Variants in LYPLA1 observed in about 807,000 individuals in gnomAD.
LYPLA1 encodes lysophospholipase 1.
In LYPLA1, 17 loss-of-function variants were observed where a neutral mutation model predicts 34.0. The observed-to-expected ratio is 0.50, with a 90% confidence interval of 0.34 to 0.75. The LOEUF (loss-of-function observed/expected upper bound fraction) is 0.75. LYPLA1 is among the 30% of genes least tolerant of loss of function. LYPLA1 has a pLI of 0.01. For missense variants in LYPLA1, 203 were observed against 288.8 expected, an observed-to-expected ratio of 0.70 and a Z score of 2.15; for synonymous variants, 98 against 100.8, an observed-to-expected ratio of 0.97 and a Z score of 0.17.
At chr8:54,073,777 A>C (rs1426384844) in intron 2 of LYPLA1, among the ~76,000 whole-genome samples, 1 of 152,066 alleles carries the variant, frequency 6.6e-6, no homozygotes, top group African/African-American at 2.4e-5. Flanking sequence ...CCAAAAAACT[A>C]CTTCTTTTTT....
At chr8:54,084,958 A>C (rs973440337) in intron 2 of LYPLA1, among the ~76,000 whole-genome samples, 2 of 151,780 alleles carry the variant, frequency 1.3e-5, no homozygotes, top group African/African-American at 4.9e-5. Flanking sequence ...CCAATGTTTA[A>C]AGAATCCTCC....
chr8:54,101,730 C>T (rs772173134), intron 1 of LYPLA1, 25 bp downstream of exon 1: 1 of 1,292,078 alleles, frequency 7.7e-7, no homozygotes, highest in Non-Finnish European at 9.9e-7. Context: ...GTGGACCCCT[C>T]CGAGCCCACG....
At chr8:54,090,039 T>A (rs963582091) in intron 2 of LYPLA1, among the ~76,000 whole-genome samples, 1 of 152,246 alleles carries the variant, frequency 6.6e-6, no homozygotes, top group Non-Finnish European at 1.5e-5. Context: ...AAAGAGCCTA[T>A]GAATGGATGT....
chr8:54,084,124 G>GAAAAAAAA (rs201545035), intron 2 of LYPLA1, among the ~76,000 whole-genome samples: 8 of 56,380 alleles, frequency 1.4e-4, no homozygotes, highest in African/African-American at 7.2e-4. Context: ...GGAGACCAAA[G>GAAAAAAAA]AAAAAAAAAA....
chr8:54,093,176 G>A (rs1423298474), intron 2 of LYPLA1, among the ~76,000 whole-genome samples: 1 of 152,230 alleles, frequency 6.6e-6, no homozygotes, highest in Non-Finnish European at 1.5e-5. Context: ...TCTACAGAAA[G>A]AAGCAAGTGA....
intron 6 of LYPLA1, among the ~76,000 whole-genome samples, chr8:54,054,203 G>A (rs183250561): frequency 3.1e-4 from 47 of 152,084 alleles, no homozygotes; most frequent in Admixed American, 2.8e-3. Flanking sequence ...GGCTGGTCTC[G>A]AACTCCTGAC....
chr8:54,085,748 G>A (rs563210643), intron 2 of LYPLA1, among the ~76,000 whole-genome samples: 2,784 of 143,002 alleles, frequency 0.019, 46 homozygotes, highest in Non-Finnish European at 0.025. Context: ...CCGGCCAGCC[G>A]CCCCGTCAGT....
Position 54,101,818 on chromosome 8 carries a change from G to C in LYPLA1, c.6C>G (p.Cys2Trp). The C allele has an allele frequency of 3.1e-6, 4 of 1,279,166 alleles. No homozygotes were observed. The highest frequency in any genetic ancestry group is 4.0e-6 in the Non-Finnish European group (4 of 1,004,060). 79.2% of individuals were successfully genotyped at this position (1,279,166 alleles called of 1,614,324 possible). Residue 2 changes from cysteine to tryptophan, a missense_variant, in exon 1 of 9, where the codon TGC becomes TGG. By Grantham distance (215) the Cys-to-Trp change is radical. Transcript: ENST00000316963. ...GCAGCGGGGTTGACATGTTATTGCC[G>C]CACATACACCGCCTCAGCTCACAGC... is the stretch of plus-strand genomic sequence containing the variant. M[C>W]GNNMSTPLPA...
At chr8:54,066,169 C>G (rs1379653552) in intron 2 of LYPLA1, among the ~76,000 whole-genome samples, 1 of 152,058 alleles carries the variant, frequency 6.6e-6, no homozygotes, top group Non-Finnish European at 1.5e-5. Flanking sequence ...GATCTCCTGA[C>G]CTCGTGATCC....
At chr8:54,056,110 C>T (rs936347753) in intron 5 of LYPLA1, among the ~76,000 whole-genome samples, 1 of 152,104 alleles carries the variant, frequency 6.6e-6, no homozygotes, top group African/African-American at 2.4e-5. Flanking sequence ...ACTAAAGGAA[C>T]AGAATAGAGA....
At chr8:54,091,587 AGGAAGGAAGGAAGG>A (rs1563663852) in intron 2 of LYPLA1, among the ~76,000 whole-genome samples, 2,921 of 136,962 alleles carry the variant, frequency 0.021, 100 homozygotes, top group African/African-American at 0.063. Context: ...AAGAAAAGGA[AGGAAGGAAGGAAGG>A]AAGGAAGGAA....
At chr8:54,075,266 C>T (rs1479889412) in intron 2 of LYPLA1, among the ~76,000 whole-genome samples, 1 of 152,166 alleles carries the variant, frequency 6.6e-6, no homozygotes, top group Admixed American at 6.5e-5. Flanking sequence ...GTGGAGAGAT[C>T]CGATTACAAA....
intron 4 of LYPLA1, 129 bp from the exon 5 acceptor site, chr8:54,062,453 C>G (rs1186688762): frequency 6.0e-6 from 2 of 332,572 alleles, no homozygotes; most frequent in Non-Finnish European, 1.1e-5. Flanking sequence ...TTTAATTTAT[C>G]TATTTAATTA....
chr8:54,080,580 A>G (rs537901724), intron 2 of LYPLA1, among the ~76,000 whole-genome samples: 1 of 152,200 alleles, frequency 6.6e-6, no homozygotes, highest in South Asian at 2.1e-4. Flanking sequence ...AAATGTAAAT[A>G]TATTTATTTA....
At chr8:54,089,496 G>T (rs1000562902) in intron 2 of LYPLA1, among the ~76,000 whole-genome samples, 1 of 145,512 alleles carries the variant, frequency 6.9e-6, no homozygotes, top group Admixed American at 6.7e-5. Flanking sequence ...CATCCCTGGG[G>T]GGGGGCGGGA....
In LYPLA1 at chr8:54,101,932, G is replaced by A. The variant is rs1214564735; in HGVS notation, c.-109C>T. 1.4e-4 allele frequency: 66 copies of A among 488,758 alleles called. No individual in the cohort carries two copies. The highest frequency in any genetic ancestry group is 1.4e-5 in the Non-Finnish European group (5 of 350,354). 30.3% of individuals were successfully genotyped at this position (488,758 alleles called of 1,614,324 possible). A position where few individuals can be genotyped will look rare whatever the true frequency, so the allele number is the denominator to read the frequency against. On this transcript the variant is annotated 5_prime_UTR_variant, in exon 1 of 9. Coordinates refer to ENST00000316963, the MANE Select transcript of LYPLA1 (RefSeq NM_006330.4). The stretch of plus-strand genomic sequence containing the variant: ...CCGGCCCCACCGGGCGCACGCTCAG[G>A]CGCGTGCGCGCCAACGCGGCCCCGC...
intron 2 of LYPLA1, among the ~76,000 whole-genome samples, chr8:54,077,560 C>T (rs1807998594): frequency 6.6e-6 from 1 of 152,154 alleles, no homozygotes; most frequent in South Asian, 2.1e-4. Flanking sequence ...CTTTGGGAGG[C>T]TGAGGCAGAC....
Position 54,062,258 on chromosome 8 carries a change from T to A in LYPLA1, c.282A>T (p.Glu94Asp), listed in dbSNP as rs1171395096. ...ATAAACATTTTCTGTACTTACTATTTTCTGCTGCCTGTTTAATCCCAGATT... is the reference window on the plus strand; with the variant it reads ...ATAAACATTTTCTGTACTTACTATTATCTGCTGCCTGTTTAATCCCAGATT... Reference protein sequence around the residue: ...EDESGIKQAAENIKALIDQEV... With the variant: ...EDESGIKQAADNIKALIDQEV... The change falls in exon 5 of 9, where the codon GAA (glutamate) becomes GAT (aspartate). Residue 94 changes from glutamate to aspartate, a missense_variant. By Grantham distance (45) the Glu-to-Asp change is conservative. Around this residue, in one of 3 missense-constraint regions of LYPLA1, gnomAD observed 123 missense variants for 199.2 expected, o/e 0.62. Coordinates refer to ENST00000316963, the MANE Select transcript of LYPLA1 (RefSeq NM_006330.4). 1.9e-6 allele frequency: 3 copies of A among 1,599,678 alleles called. No homozygotes were observed. Among genetic ancestry groups the A allele is most frequent in the African/African-American group, 2.7e-5 (2 of 74,434 alleles).
chr8:54,076,462 A>G (rs968151557), intron 2 of LYPLA1, among the ~76,000 whole-genome samples: 3 of 151,978 alleles, frequency 2.0e-5, no homozygotes, highest in Non-Finnish European at 4.4e-5. Flanking sequence ...GTAGCTCACC[A>G]TGACAAAGCT....
Sources: allele counts gnomAD v4.1 joint callset (sites outside exome capture counted in the v4.1 genomes callset), GRCh38; gene constraint gnomAD v4.1.1; regional missense constraint gnomAD v4.1.1; transcripts MANE v1.5; gene names NCBI Gene and HGNC (gene_info 2026-07-23, HGNC 2026-07-21).